The following COL4A4 variants were observed in gnomAD, a reference collection of about 807,000 sequenced individuals.
COL4A4 encodes the protein collagen alpha-4(IV) chain.
A neutral mutation model predicts 192.9 loss-of-function variants in COL4A4; 105 were observed. The observed-to-expected ratio is 0.54, with a 90% confidence interval of 0.46 to 0.64. The LOEUF (loss-of-function observed/expected upper bound fraction) is 0.64. COL4A4 is among the 30% of genes least tolerant of loss of function. The pLI is 0.00. For missense variants in COL4A4, 1,967 were observed against 2,169.3 expected (o/e 0.91, Z 1.85); for synonymous variants, 762 against 769.9 (o/e 0.99, Z 0.17).
At chr2:227,014,892 C>CTTTTTTTTTTTTTTTTTTT (rs1179125792) in intron 44 of COL4A4, among the ~76,000 whole-genome samples, 1 of 106,588 alleles carries the variant, frequency 9.4e-6, no homozygotes, top group African/African-American at 3.8e-5. Context: ...CCATGCCTGG[C>CTTTTTTTTTTTTTTTTTTT]TTTTTTTTTT....
rs1039311506 is a variant in COL4A4 at position 227,163,117 on chromosome 2, A to T, written c.-102+890T>A. 2.6e-5 allele frequency among the ~76,000 whole-genome samples: 4 copies of T among 152,354 alleles called. No homozygotes were observed. In the East Asian group the frequency reaches 5.8e-4, roughly 22 times the overall value. ...CAAAGCAAAGATTCTTAACCTGAGGATGGAATTCAGGTGATCTGTATAGGA... is the reference window on the plus strand; with the variant it reads ...CAAAGCAAAGATTCTTAACCTGAGGTTGGAATTCAGGTGATCTGTATAGGA... On this transcript the variant is annotated intron_variant, in intron 1 of 47. Transcript: ENST00000396625.
intron 13 of COL4A4, 74 bp downstream of exon 13, chr2:227,103,898 T>G: frequency 8.9e-7 from 1 of 1,124,318 alleles, no homozygotes; most frequent in Non-Finnish European, 1.3e-6. Flanking sequence ...CTCTATACTT[T>G]GCTGCCACAG....
chr2:227,094,003 C>A, intron 20 of COL4A4, 122 bp downstream of exon 20: 1 of 903,600 alleles, frequency 1.1e-6, no homozygotes, highest in East Asian at 2.7e-5. Flanking sequence ...AAAAGACAAC[C>A]AACTTAGCTC....
chr2:227,001,729 C>T (rs180940864), downstream of COL4A4, among the ~76,000 whole-genome samples: 233 of 152,230 alleles, frequency 1.5e-3, 4 homozygotes, highest in East Asian at 0.037. Context: ...AATAGGACAG[C>T]TGTAGGGTTG....
Position 227,022,376 on chromosome 2 carries a change from G to T in COL4A4, c.4091-203C>A, listed in dbSNP as rs148294208. ...CAGAAATTTGTCTTATGCCCTGGAG[G>T]GTACATGAAAAAATTCCAGAATGTC... On this transcript the variant is annotated intron_variant, in intron 43 of 47. Coordinates refer to ENST00000396625, the MANE Select transcript of COL4A4 (RefSeq NM_000092.5). The T allele has an allele frequency of 1.9e-3, 1,529 of 800,096 alleles. 16 individuals are homozygous for T. In the African/African-American group the frequency reaches 0.022, roughly 11 times the overall value. The allele number at this position is 800,096 out of a possible 1,614,324, so 49.6% of individuals were successfully genotyped here.
intron 37 of COL4A4, among the ~76,000 whole-genome samples, chr2:227,033,905 CT>C (rs901868745): frequency 4.0e-5 from 3 of 75,316 alleles, no homozygotes; most frequent in African/African-American, 2.6e-4. Context: ...GGGCTGCAGG[CT>C]CCTGGTTTCT....
intron 1 of COL4A4, among the ~76,000 whole-genome samples, chr2:227,160,263 T>C (rs905382143): frequency 6.6e-6 from 1 of 152,212 alleles, no homozygotes; most frequent in Non-Finnish European, 1.5e-5. Context: ...AACAAACAAG[T>C]GGCACGATGT....
chr2:226,992,654 T>C, the COL4A4 span, among the ~76,000 whole-genome samples: 1 of 152,226 alleles, frequency 6.6e-6, no homozygotes. Context: ...GAACTTAGAC[T>C]GGAACTTCTT....
Position 227,032,213 on chromosome 2 carries a change from T to C in COL4A4, c.3641A>G (p.Asp1214Gly). The C allele has an allele frequency of 6.2e-7, 1 of 1,613,992 alleles. No individual in the cohort carries two copies. The highest frequency in any genetic ancestry group is 8.5e-7 in the Non-Finnish European group (1 of 1,179,894). The stretch of plus-strand genomic sequence containing the variant: ...AGGAGAGATTCCTGGGCTCCCAGGG[T>C]CTCCTCTCTCCCCTTTTAGCCCAGG... ...GIPGLKGERG[D>G]PGSPGISPPG... The change falls in exon 39 of 48, where the codon GAC becomes GGC. Residue 1214 changes from aspartate to glycine, a missense_variant. By Grantham distance (94) the Asp-to-Gly change is moderately conservative. Coordinates refer to ENST00000396625, the MANE Select transcript of COL4A4 (RefSeq NM_000092.5).
At chr2:227,041,874 G>GA (rs1359609919) in intron 37 of COL4A4, among the ~76,000 whole-genome samples, 19 of 141,086 alleles carry the variant, frequency 1.3e-4, no homozygotes, top group African/African-American at 5.1e-4. Context: ...AAGAAAGAAA[G>GA]AAAGAAAGAA....
chr2:227,015,760 C>T (rs1028147402), intron 44 of COL4A4, among the ~76,000 whole-genome samples: 35 of 152,128 alleles, frequency 2.3e-4, no homozygotes, highest in Non-Finnish European at 4.4e-4. Context: ...GGCAATATTC[C>T]TCAGCTACTA....
chr2:227,055,299 G>A (rs959551865), intron 30 of COL4A4, among the ~76,000 whole-genome samples: 13 of 151,390 alleles, frequency 8.6e-5, no homozygotes, highest in African/African-American at 2.4e-4. Flanking sequence ...GGATCTTTGA[G>A]GCCAGGATTT....
rs879099109 is a variant in COL4A4 at position 227,098,785 on chromosome 2, G to A, written c.1113C>T (p.Asp371=). 1 of 1,613,968 alleles carries A rather than the reference G, an allele frequency of 6.2e-7. No homozygotes were observed. The highest frequency in any genetic ancestry group is 8.5e-7 in the Non-Finnish European group (1 of 1,179,930). The change falls in exon 19 of 48, where the codon GAC becomes GAT. Residue 371 remains aspartate, a synonymous_variant. Transcript: ENST00000396625. ...CTCCATAGCGGCCAGGGAACCCTGG[G>A]TCCCCTGGTGGGCCTGCCAAAGATA... is the stretch of plus-strand genomic sequence containing the variant. ...PPLPLKGPPG[D]PGFPGRYGET...
chr2:227,131,649 T>C (rs2062478553), intron 4 of COL4A4, among the ~76,000 whole-genome samples: 1 of 152,184 alleles, frequency 6.6e-6, no homozygotes, highest in Non-Finnish European at 1.5e-5. Flanking sequence ...AGATACGACA[T>C]GTCTTAAGCC....
At chr2:227,079,250 G>C (rs2059196438) in intron 24 of COL4A4, among the ~76,000 whole-genome samples, 1 of 152,118 alleles carries the variant, frequency 6.6e-6, no homozygotes, top group Non-Finnish European at 1.5e-5. Context: ...TTATGGATCT[G>C]GATTGTTTCA....
rs892604688 is a variant in COL4A4, at chr2:227,010,592, C to G, written c.4334-91G>C. ...ACCTCTGTTCTGGCACTGTGCTAAG[C>G]ACTCAGGGAGCAGAGGGGAGCATGA... is the stretch of plus-strand genomic sequence containing the variant. On this transcript the variant is annotated intron_variant, in intron 45 of 47. Transcript: ENST00000396625. The G allele has an allele frequency of 2.8e-5, 31 of 1,112,438 alleles. No individual in the cohort carries two copies. In the Admixed American group the frequency reaches 6.7e-4, roughly 24 times the overall value. 68.9% of individuals were successfully genotyped at this position (1,112,438 alleles called of 1,614,324 possible).
At chr2:227,041,459 G>C (rs1292587609) in intron 37 of COL4A4, among the ~76,000 whole-genome samples, 2 of 151,678 alleles carry the variant, frequency 1.3e-5, no homozygotes, top group African/African-American at 4.9e-5. Context: ...GGCCAACATG[G>C]TGAAACCCCG....
downstream of COL4A4, among the ~76,000 whole-genome samples, chr2:227,002,489 A>G (rs1289143162): frequency 6.6e-6 from 1 of 152,218 alleles, no homozygotes; most frequent in African/African-American, 2.4e-5. Flanking sequence ...GGGTTGATAC[A>G]GACCTTCCCC....
rs1284411465 is a variant in COL4A4 at position 227,041,849 on chromosome 2, AG to A, written c.3505+298del. Among the ~76,000 whole-genome samples the A allele has an allele frequency of 2.0e-4, 6 of 29,974 alleles. 1 individual carries two copies. Among genetic ancestry groups the A allele is most frequent in the African/African-American group, 7.7e-4 (4 of 5,184 alleles). 19.7% of individuals were successfully genotyped at this position (29,974 alleles called of 152,430 possible). A position where few individuals can be genotyped will look rare whatever the true frequency, so the allele number is the denominator to read the frequency against. ...GAAAGAAAGAAAGAAAGAAAGAAAGAGAAAGAAAGAAAGAAAGAAAGAAAGA... is the reference window on the plus strand; with the variant it reads ...GAAAGAAAGAAAGAAAGAAAGAAAGAAAAGAAAGAAAGAAAGAAAGAAAGA... On this transcript the variant is annotated intron_variant, in intron 37 of 47. Transcript: ENST00000396625.
Sources: allele counts gnomAD v4.1 joint callset (sites outside exome capture counted in the v4.1 genomes callset), GRCh38; gene constraint gnomAD v4.1.1; transcripts MANE v1.5; gene names NCBI Gene and HGNC (gene_info 2026-07-23, HGNC 2026-07-21).